Variants in TRIP12 observed in about 807,000 individuals in gnomAD.
TRIP12 encodes E3 ubiquitin-protein ligase TRIP12.
A neutral mutation model predicts 244.2 loss-of-function variants in TRIP12; 25 were observed. The ratio of observed to expected loss-of-function variants is 0.10; its 90% confidence interval spans 0.07 to 0.14. The LOEUF is 0.14. Among genes scored for constraint, TRIP12 ranks in the 10% least tolerant of loss-of-function variants. The pLI is 1.00. For missense variants in TRIP12, 1,677 were observed against 2,486.4 expected (o/e 0.67, Z 6.92); for synonymous variants, 905 against 873.1 (o/e 1.04, Z -0.64).
chr2:229,773,441 T>C (rs969171167), intron 38 of TRIP12: 1 of 152,290 alleles, frequency 6.6e-6, no homozygotes, highest in African/African-American at 2.4e-5. Context: ...TCGAGTGCAG[T>C]GGTGCAACCT....
chr2:229,792,285 T>A (rs2041734865), intron 27 of TRIP12, 59 bp from the exon 28 acceptor site: 1 of 1,279,518 alleles, frequency 7.8e-7, no homozygotes, highest in East Asian at 2.3e-5. Context: ...AAAAAAAAAA[T>A]CCTGTATACA....
At chr2:229,808,149 G>A (rs886785063) in intron 16 of TRIP12, 103 bp downstream of exon 16, 26 of 883,672 alleles carry the variant, frequency 2.9e-5, no homozygotes, top group Non-Finnish European at 4.6e-5. Flanking sequence ...TGTATTTTTA[G>A]TAGAGACGGG....
chr2:229,812,778 G>C (rs1176142880), intron 13 of TRIP12, among the ~76,000 whole-genome samples: 1 of 152,060 alleles, frequency 6.6e-6, no homozygotes, highest in Non-Finnish European at 1.5e-5. Flanking sequence ...TTCAGCCTGG[G>C]CAACAGAGTA....
chr2:229,814,198 A>G lies in TRIP12; in HGVS notation c.1824+35T>C. 1.9e-6 allele frequency: 3 copies of G among 1,599,682 alleles called. No individual in the cohort carries two copies. The South Asian group carries it at 3.3e-5, about 18-fold the overall frequency. On this transcript the variant is annotated intron_variant, in intron 12 of 41. Transcript: ENST00000675903. ...TGTGGATTTTAAAAATTCTACATAAAGTGAAATGTAGTCCCCTTCAGTAAC... is the reference window on the plus strand; with the variant it reads ...TGTGGATTTTAAAAATTCTACATAAGGTGAAATGTAGTCCCCTTCAGTAAC...
chr2:229,783,868 T>TG (rs1177982594), intron 34 of TRIP12, among the ~76,000 whole-genome samples: 1 of 150,354 alleles, frequency 6.7e-6, no homozygotes, highest in African/African-American at 2.4e-5. Context: ...CCCAGCACTT[T>TG]GGGGGGCTGA....
chr2:229,831,158 T>G, intron 6 of TRIP12: 1 of 714,346 alleles, frequency 1.4e-6, no homozygotes, highest in South Asian at 1.5e-5. Context: ...TGAAAGTCAA[T>G]AAAGAACATA....
At chr2:229,867,461 G>A (rs936627514) in intron 2 of TRIP12, among the ~76,000 whole-genome samples, 7 of 151,934 alleles carry the variant, frequency 4.6e-5, no homozygotes, top group Non-Finnish European at 1.0e-4. Flanking sequence ...CACTGTGCCC[G>A]GCCAAAATAA....
At chr2:229,908,452 A>G (rs991886776) in intron 1 of TRIP12, among the ~76,000 whole-genome samples, 1 of 152,206 alleles carries the variant, frequency 6.6e-6, no homozygotes, top group Non-Finnish European at 1.5e-5. Context: ...AATTCAGTTT[A>G]AGAGATTTTA....
At chr2:229,878,506 G>T (rs2064095913) in intron 2 of TRIP12, among the ~76,000 whole-genome samples, 1 of 151,050 alleles carries the variant, frequency 6.6e-6, no homozygotes, top group Non-Finnish European at 1.5e-5. Flanking sequence ...CTAGTCCAAA[G>T]TCCCTATGCT....
At chr2:229,785,316 A>G (rs1272661426) in intron 34 of TRIP12, among the ~76,000 whole-genome samples, 1 of 152,212 alleles carries the variant, frequency 6.6e-6, no homozygotes, top group Non-Finnish European at 1.5e-5. Context: ...GATTTTGCAA[A>G]GTGAAATGGG....
chr2:229,863,897 A>T (rs1367604078), intron 2 of TRIP12, among the ~76,000 whole-genome samples: 1 of 152,130 alleles, frequency 6.6e-6, no homozygotes, highest in African/African-American at 2.4e-5. Context: ...ATTTATATCC[A>T]CTATAAATAA....
intron 1 of TRIP12, among the ~76,000 whole-genome samples, chr2:229,906,488 G>A (rs1465082716): frequency 6.6e-6 from 1 of 151,286 alleles, no homozygotes; most frequent in Non-Finnish European, 1.5e-5. Flanking sequence ...TTAAGAGGCC[G>A]AGGCGGGTGG....
intron 1 of TRIP12, among the ~76,000 whole-genome samples, chr2:229,894,011 C>A (rs2068056619): frequency 1.3e-5 from 2 of 152,024 alleles, no homozygotes; most frequent in African/African-American, 4.8e-5. Flanking sequence ...CAAAAAGTGG[C>A]CAGATTGGTG....
chr2:229,831,616 G>A (rs2053403776), intron 6 of TRIP12, among the ~76,000 whole-genome samples: 1 of 152,158 alleles, frequency 6.6e-6, no homozygotes, highest in Non-Finnish European at 1.5e-5. Flanking sequence ...GAGCGGCAGG[G>A]CCAGACTCTG....
chr2:229,880,135 G>GA lies in TRIP12; in HGVS notation c.-49-8dup, dbSNP rs1032159418. The GA allele has an allele frequency of 1.1e-3, 1,517 of 1,417,624 alleles. No homozygotes were observed. Among genetic ancestry groups the GA allele is most frequent in the Non-Finnish European group, 1.2e-3 (1,283 of 1,044,442 alleles). The allele number at this position is 1,417,624 out of a possible 1,614,324, so 87.8% of individuals were successfully genotyped here. A position where few individuals can be genotyped will look rare whatever the true frequency, so the allele number is the denominator to read the frequency against. On this transcript the variant is annotated splice_region_variant and splice_polypyrimidine_tract_variant and intron_variant, in intron 1 of 41. Coordinates refer to ENST00000675903, the MANE Select transcript of TRIP12 (RefSeq NM_001348323.3). ...TTCTAGACACTACCATTCACTAAAA[G>GA]AAAAAAAAATAAACAAAATTTATCA...
chr2:229,777,195 TTAAAATCTTC>T, intron 37 of TRIP12, 110 bp downstream of exon 37: 1 of 1,176,438 alleles, frequency 8.5e-7, no homozygotes, highest in East Asian at 2.5e-5. Flanking sequence ...AATAAAAGAA[TTAAAATCTTC>T]TAAAATAAAA....
intron 1 of TRIP12, among the ~76,000 whole-genome samples, chr2:229,918,085 T>C (rs1227034137): frequency 6.6e-6 from 1 of 152,168 alleles, no homozygotes; most frequent in Admixed American, 6.5e-5. Context: ...ACAAATGCAA[T>C]ACTGTAATGC....
chr2:229,878,461 A>G (rs1360223920), intron 2 of TRIP12, among the ~76,000 whole-genome samples: 1 of 151,902 alleles, frequency 6.6e-6, no homozygotes, highest in Non-Finnish European at 1.5e-5. Context: ...AAAAAAAAGA[A>G]AACAAAACAA....
chr2:229,791,105 C>T lies in TRIP12; in HGVS notation c.4543+19G>A. 1 of 1,613,124 alleles carries T rather than the reference C, an allele frequency of 6.2e-7. No homozygotes were observed. Among genetic ancestry groups the T allele is most frequent in the South Asian group, 1.1e-5 (1 of 90,762 alleles). ...TTGCCCAGTTGGCAATCCATTTTCC[C>T]CTTTATCTACCATCTTACCGTGCCA... On this transcript the variant is annotated intron_variant, in intron 30 of 41. Transcript: ENST00000675903.
Sources: gnomAD v4.1 joint callset for allele counts (sites outside exome capture counted in the v4.1 genomes callset) on GRCh38, gnomAD v4.1.1 for gene constraint, MANE v1.5 for transcripts, NCBI Gene and HGNC (gene_info 2026-07-23, HGNC 2026-07-21) for gene names.